Variants in DCLRE1C observed in about 807,000 individuals in gnomAD.
The protein encoded by DCLRE1C is DNA cross-link repair 1C.
A neutral mutation model predicts 61.4 loss-of-function variants in DCLRE1C; 47 were observed. The observed-to-expected ratio is 0.77, with a 90% CI of 0.61 to 0.98. DCLRE1C has a LOEUF of 0.98. Among genes scored for constraint, DCLRE1C ranks in the 50% least tolerant of loss-of-function variants. The pLI, the probability that DCLRE1C is intolerant of heterozygous loss-of-function variation, is 0.00. For missense variants in DCLRE1C, 858 were observed against 816.0 expected, an observed-to-expected ratio of 1.05 and a Z score of -0.63; for synonymous variants, 337 against 287.6, an observed-to-expected ratio of 1.17 and a Z score of -1.74.
intron 1 of DCLRE1C, among the ~76,000 whole-genome samples, chr10:14,952,365 T>C (rs754623758): frequency 3.3e-5 from 5 of 152,116 alleles, no homozygotes; most frequent in Non-Finnish European, 5.9e-5. Context: ...GGTGGGTGGA[T>C]CTACCTGAGG....
intron 13 of DCLRE1C, among the ~76,000 whole-genome samples, chr10:14,918,553 A>T (rs1473505072): frequency 1.3e-5 from 2 of 152,060 alleles, no homozygotes; most frequent in African/African-American, 4.8e-5. Flanking sequence ...AAGTATATGC[A>T]TATACAAAAA....
chr10:14,908,474 A>T lies in DCLRE1C; in HGVS notation c.2013T>A (p.Tyr671Ter), dbSNP rs1834680505. The change falls in exon 14 of 14, where the codon TAT (tyrosine) becomes TAA (stop). Residue 671 changes from tyrosine (Y) to a stop codon, truncating the protein, a stop_gained. Transcript: ENST00000378278. LOFTEE classifies it high-confidence loss of function. ...LPKREHLQYLYEKLATGESIA... is the reference protein window; with the variant it reads ...LPKREHLQYL ...TACTCTCACCAGTTGCCAGCTTCTC[A>T]TATAAATATTGTAAATGCTCTCGTT... 6.2e-7 allele frequency: 1 copy of T among 1,613,972 alleles called. No individual in the cohort carries two copies. The highest frequency in any genetic ancestry group is 1.6e-4 in the Middle Eastern group (1 of 6,062).
intron 9 of DCLRE1C, among the ~76,000 whole-genome samples, chr10:14,930,328 TCAC>T (rs1301951152): frequency 5.4e-5 from 8 of 148,850 alleles, no homozygotes; most frequent in African/African-American, 1.3e-4. Context: ...TGACGGGGTT[TCAC>T]CACGTTACCC....
intron 1 of DCLRE1C, among the ~76,000 whole-genome samples, chr10:14,950,910 G>C (rs41304316): frequency 6.6e-6 from 1 of 152,134 alleles, no homozygotes; most frequent in African/African-American, 2.4e-5. Context: ...GTCCCCTCTA[G>C]GGGATTTCCC....
Position 14,919,735 on chromosome 10 carries a change from T to C in DCLRE1C, c.1156+3A>G, listed in dbSNP as rs1393055854. On this transcript the variant is annotated splice_donor_region_variant and intron_variant, in intron 13 of 13. Coordinates refer to ENST00000378278, the MANE Select transcript of DCLRE1C (RefSeq NM_001033855.3). ...CCTCTGAACCCAGGACCATTTTTCT[T>C]ACCTGAGTCTCGGTGAACTGTTCTA... 1 of 1,611,766 alleles carries C rather than the reference T, an allele frequency of 6.2e-7. No homozygotes were observed. The highest frequency in any genetic ancestry group is 2.2e-5 in the East Asian group (1 of 44,856).
intron 11 of DCLRE1C, among the ~76,000 whole-genome samples, chr10:14,924,442 C>T (rs920526523): frequency 6.6e-6 from 1 of 152,210 alleles, no homozygotes; most frequent in East Asian, 1.9e-4. Context: ...CATTGGTGAG[C>T]TTGTGATCTC....
chr10:14,940,135 T>C (rs1840624367), intron 3 of DCLRE1C, among the ~76,000 whole-genome samples: 1 of 152,146 alleles, frequency 6.6e-6, no homozygotes, highest in African/African-American at 2.4e-5. Context: ...TGAATTCATT[T>C]TTCCTCCTTC....
At chr10:14,952,876 T>C (rs1842658279) in intron 1 of DCLRE1C, among the ~76,000 whole-genome samples, 1 of 152,170 alleles carries the variant, frequency 6.6e-6, no homozygotes, top group Non-Finnish European at 1.5e-5. Flanking sequence ...CGATTTATAG[T>C]CCAAGTGATT....
intron 2 of DCLRE1C, 108 bp downstream of exon 2, chr10:14,948,928 C>T (rs976355701): frequency 2.0e-5 from 16 of 794,214 alleles, no homozygotes; most frequent in African/African-American, 1.0e-4. Context: ...CTGGGTGATG[C>T]GTTCATTTTG....
In DCLRE1C at chr10:14,907,793, C is replaced by G. The variant is rs150596899; in HGVS notation, c.*615G>C. 1.3e-5 allele frequency: 2 copies of G among 150,106 alleles called. No individual in the cohort carries two copies. The highest frequency in any genetic ancestry group is 1.3e-4 in the Admixed American group (2 of 15,046). 9.3% of individuals were successfully genotyped at this position (150,106 alleles called of 1,614,324 possible). The stretch of plus-strand genomic sequence containing the variant: ...TTCCGTGTCTCTTGTCATTGATGCA[C>G]TTAGACCATTTACATTTAATGTAAT... On this transcript the variant is annotated 3_prime_UTR_variant, in exon 14 of 14. Transcript: ENST00000378278.
At chr10:14,934,650 C>T (rs1839597111) in intron 7 of DCLRE1C, 53 bp downstream of exon 7, 1 of 1,612,230 alleles carries the variant, frequency 6.2e-7, no homozygotes, top group Non-Finnish European at 8.5e-7. Flanking sequence ...AAACTTCCTA[C>T]TAAAAACACG....
At chr10:14,904,315 ATTTTTTTTT>A (rs35999949), downstream of DCLRE1C, 5 of 77,790 alleles carry the variant, frequency 6.4e-5, no homozygotes, top group African/African-American at 1.8e-4. Flanking sequence ...AAAAAAAAAA[ATTTTTTTTT>A]TTTTTTTTTT....
At chr10:14,913,076 C>T (rs780323231) in intron 13 of DCLRE1C, among the ~76,000 whole-genome samples, 5 of 152,062 alleles carry the variant, frequency 3.3e-5, no homozygotes, top group Non-Finnish European at 7.4e-5. Context: ...AGGATGGTCT[C>T]GATCTCTCTG....
intron 11 of DCLRE1C, 35 bp downstream of exon 11, chr10:14,926,798 AGAACACTGAG>A: frequency 1.3e-6 from 2 of 1,500,748 alleles, no homozygotes; most frequent in Non-Finnish European, 1.9e-6. Context: ...CCAAGGCTGC[AGAACACTGAG>A]CGATAAGGGT....
chr10:14,918,735 C>A (rs1326779740), intron 13 of DCLRE1C, among the ~76,000 whole-genome samples: 1 of 151,686 alleles, frequency 6.6e-6, no homozygotes, highest in Non-Finnish European at 1.5e-5. Context: ...TTTCTAAAAC[C>A]TTTTAATTAT....
chr10:14,932,743 A>G, intron 9 of DCLRE1C, 111 bp downstream of exon 9: 1 of 1,264,358 alleles, frequency 7.9e-7, no homozygotes, highest in Non-Finnish European at 1.1e-6. Flanking sequence ...TTAGGATTGC[A>G]GCCTCAGGTT....
chr10:14,935,277 C>G (rs866529801), intron 6 of DCLRE1C, among the ~76,000 whole-genome samples, 186 bp downstream of exon 6: 36 of 152,036 alleles, frequency 2.4e-4, no homozygotes, highest in South Asian at 1.0e-3. Flanking sequence ...GACCAGCCTG[C>G]CCAACATGGC....
rs564158327 is a variant in DCLRE1C, at chr10:14,944,608, TCAA to T, written c.246+494_246+496del. On this transcript the variant is annotated intron_variant, in intron 3 of 13. Coordinates refer to ENST00000378278, the MANE Select transcript of DCLRE1C (RefSeq NM_001033855.3). The stretch of plus-strand genomic sequence containing the variant: ...ACTCTTGAGGAAGAAGGAAAACATA[TCAA>T]CAACTACCAAATGTTGACTTCTGCC... Among the ~76,000 whole-genome samples, 554 of 150,974 alleles carry T rather than the reference TCAA, an allele frequency of 3.7e-3. 2 individuals carry two copies. The highest frequency in any genetic ancestry group is 0.013 in the African/African-American group (515 of 41,194).
intron 4 of DCLRE1C, among the ~76,000 whole-genome samples, chr10:14,938,719 G>A (rs952433190): frequency 6.6e-5 from 10 of 151,916 alleles, no homozygotes; most frequent in African/African-American, 2.4e-4. Flanking sequence ...TCTGAATAAG[G>A]GTTCAGAAAA....
Sources: gnomAD v4.1 joint callset for allele counts (sites outside exome capture counted in the v4.1 genomes callset) on GRCh38, gnomAD v4.1.1 for gene constraint, MANE v1.5 for transcripts, NCBI Gene and HGNC (gene_info 2026-07-23, HGNC 2026-07-21) for gene names.